The following FXYD6 variants were observed in gnomAD, a reference collection of about 807,000 sequenced individuals.
The protein encoded by FXYD6 is FXYD domain-containing ion transport regulator 6.
Under a neutral mutation model 16.7 loss-of-function variants are expected in FXYD6, and 7 were observed. That is an observed-to-expected ratio of 0.42 (90% confidence interval 0.24 to 0.79). FXYD6 has a LOEUF of 0.79. Among genes scored for constraint, FXYD6 ranks in the 30% least tolerant of loss-of-function variants. FXYD6 has a pLI of 0.28. For missense variants in FXYD6, 111 were observed against 116.2 expected (o/e 0.95, Z 0.21); for synonymous variants, 49 against 43.0 (o/e 1.14, Z -0.54).
chr11:117,848,407 T>G (rs2056524817), intron 1 of FXYD6, among the ~76,000 whole-genome samples: 1 of 152,204 alleles, frequency 6.6e-6, no homozygotes, highest in South Asian at 2.1e-4. Context: ...ATTTTTTTTT[T>G]TTTTTTAATA....
chr11:117,875,802 C>T (rs554880782), intron 1 of FXYD6, among the ~76,000 whole-genome samples: 1 of 152,300 alleles, frequency 6.6e-6, no homozygotes, highest in South Asian at 2.1e-4. Context: ...GCTCCCAGCT[C>T]CCACCCTCGG....
At chr11:117,850,066 A>C (rs7928007) in intron 1 of FXYD6, among the ~76,000 whole-genome samples, 8,034 of 152,202 alleles carry the variant, frequency 0.053, 231 homozygotes, top group African/African-American at 0.067. Flanking sequence ...GCTCAGAATG[A>C]ATCTGCCATT....
chr11:117,845,501 C>T (rs2056448686), intron 1 of FXYD6, among the ~76,000 whole-genome samples: 3 of 152,020 alleles, frequency 2.0e-5, no homozygotes, highest in Non-Finnish European at 2.9e-5. Flanking sequence ...CTTTTTCTGT[C>T]CGACATTATG....
intron 2 of FXYD6, chr11:117,842,306 C>T (rs2056367162): frequency 3.4e-6 from 2 of 580,196 alleles, no homozygotes; most frequent in Admixed American, 3.1e-5. Context: ...ACATCATCCC[C>T]AGAAGGCAGG....
chr11:117,838,416 A>G, intron 7 of FXYD6, 139 bp from the exon 8 acceptor site: 1 of 667,320 alleles, frequency 1.5e-6, no homozygotes, highest in South Asian at 1.6e-5. Flanking sequence ...AAAGGAGACA[A>G]AGACACAGGG....
intron 1 of FXYD6, among the ~76,000 whole-genome samples, chr11:117,865,874 A>G (rs2057002985): frequency 6.6e-6 from 1 of 151,782 alleles, no homozygotes; most frequent in Non-Finnish European, 1.5e-5. Flanking sequence ...TTGCAGTGAG[A>G]TCGTGCCATT....
intron 1 of FXYD6, among the ~76,000 whole-genome samples, chr11:117,868,447 A>G (rs1170900127): frequency 6.6e-6 from 1 of 152,136 alleles, no homozygotes. Flanking sequence ...AGAACATCGA[A>G]CAAATCCCAA....
chr11:117,876,991 A>G (rs2134228170), upstream of FXYD6: 1 of 152,366 alleles, frequency 6.6e-6, no homozygotes, highest in East Asian at 1.9e-4. Context: ...GAGGCGTGCA[A>G]GCGCCGGAGC....
intron 1 of FXYD6, among the ~76,000 whole-genome samples, chr11:117,866,045 G>T (rs1482146292): frequency 6.6e-6 from 1 of 152,196 alleles, no homozygotes; most frequent in African/African-American, 2.4e-5. Context: ...AGTCACAGAA[G>T]GACAAGTACT....
At chr11:117,850,989 C>T (rs563624986) in intron 1 of FXYD6, among the ~76,000 whole-genome samples, 4 of 152,254 alleles carry the variant, frequency 2.6e-5, no homozygotes, top group East Asian at 1.9e-4. Flanking sequence ...AAATACAAAT[C>T]ATCCCCTTCC....
intron 1 of FXYD6, among the ~76,000 whole-genome samples, chr11:117,847,072 G>A (rs2056487622): frequency 6.6e-6 from 1 of 152,120 alleles, no homozygotes; most frequent in South Asian, 2.1e-4. Context: ...TTTCATACAG[G>A]TGTTGCACAT....
chr11:117,848,669 T>G (rs927433234), intron 1 of FXYD6, among the ~76,000 whole-genome samples: 1 of 152,228 alleles, frequency 6.6e-6, no homozygotes, highest in Non-Finnish European at 1.5e-5. Context: ...GGACTTTCTT[T>G]GTGGGAAGAT....
At chr11:117,860,479 G>A (rs1240066836) in intron 1 of FXYD6, among the ~76,000 whole-genome samples, 1 of 152,220 alleles carries the variant, frequency 6.6e-6, no homozygotes, top group African/African-American at 2.4e-5. Flanking sequence ...ATATTCGTGC[G>A]CTAGAGAGAC....
chr11:117,872,959 A>C lies in FXYD6; in HGVS notation c.-6+3633T>G, dbSNP rs1476428436. ...TGGCCAGGGGTTCTCCCTGCAGAAG[A>C]TTTCATGGACCTCCAAAATGACAGC... On this transcript the variant is annotated intron_variant, in intron 1 of 7. Transcript: ENST00000526014. This position sits in a 1 kb window ranked among gnomAD's most constrained non-coding sequence, Gnocchi z 4.9. Among the ~76,000 whole-genome samples, 1 of 151,928 alleles carries C rather than the reference A, an allele frequency of 6.6e-6. No homozygotes were observed. The highest frequency in any genetic ancestry group is 1.5e-5 in the Non-Finnish European group (1 of 67,982).
chr11:117,860,612 TA>T (rs2056884127), intron 1 of FXYD6, among the ~76,000 whole-genome samples: 1 of 152,308 alleles, frequency 6.6e-6, no homozygotes, highest in South Asian at 2.1e-4. Context: ...TGAAGCTGAT[TA>T]GGCCGAGGGT....
At chr11:117,844,113 C>T (rs1473051903) in intron 1 of FXYD6, 2 of 152,556 alleles carry the variant, frequency 1.3e-5, no homozygotes, top group Admixed American at 6.5e-5. Context: ...TCACTACCTT[C>T]CTCCGGCCTT....
At position 117,844,926 on chromosome 11, in the gene FXYD6, A is replaced by G. The variant is rs539606186; in HGVS notation, c.-5-2145T>C. On this transcript the variant is annotated intron_variant, in intron 1 of 7. Transcript: ENST00000526014. ...AACACTGTACAGCATAATTAACAAT[A>G]TTGAATTGCACACTTCAAGATATGT... Among the ~76,000 whole-genome samples the G allele has an allele frequency of 2.6e-5, 4 of 152,360 alleles. No homozygotes were observed. In the East Asian group the frequency reaches 7.7e-4, roughly 29 times the overall value.
intron 2 of FXYD6, chr11:117,842,367 T>A (rs2056368973): frequency 1.8e-6 from 1 of 556,698 alleles, no homozygotes; most frequent in Non-Finnish European, 3.2e-6. Flanking sequence ...AGGAAGGACA[T>A]ATGACTTGCA....
chr11:117,866,988 C>T (rs767071531), intron 1 of FXYD6, among the ~76,000 whole-genome samples: 7 of 152,180 alleles, frequency 4.6e-5, no homozygotes, highest in African/African-American at 7.2e-5. Flanking sequence ...CAAGGAGAGA[C>T]GTTTAAATGT....
Sources: gnomAD v4.1 joint callset for allele counts (sites outside exome capture counted in the v4.1 genomes callset) on GRCh38, gnomAD v4.1.1 for gene constraint, Gnocchi (gnomAD v3.1) non-coding constraint, MANE v1.5 for transcripts, NCBI Gene and HGNC (gene_info 2026-07-23, HGNC 2026-07-21) for gene names.